Variants in GPC5 observed in about 807,000 individuals in gnomAD.
The protein encoded by GPC5 is glypican 5, also known as glypican-5.
GPC5 carries 47 observed loss-of-function variants against 53.9 expected under a neutral mutation model. That is an observed-to-expected ratio of 0.87 (90% CI 0.69 to 1.11). The LOEUF (loss-of-function observed/expected upper bound fraction) is 1.11, where lower values mean the gene tolerates loss of function less well. Ranked by LOEUF, GPC5 falls within the 50% of genes most tolerant of loss-of-function variation. The pLI, the probability that GPC5 is intolerant of heterozygous loss-of-function variation, is 0.00. For missense variants in GPC5, 748 were observed against 713.1 expected, an observed-to-expected ratio of 1.05 and a Z score of -0.56; for synonymous variants, 286 against 263.3, an observed-to-expected ratio of 1.09 and a Z score of -0.84.
intron 2 of GPC5, among the ~76,000 whole-genome samples, chr13:91,468,866 A>T (rs1882418329): frequency 6.9e-6 from 1 of 144,694 alleles, no homozygotes; most frequent in South Asian, 2.2e-4. Flanking sequence ...CGTAGCTAAG[A>T]TAATGGTCTT....
At chr13:91,748,280 A>G (rs1383215543) in intron 4 of GPC5, among the ~76,000 whole-genome samples, 1 of 152,200 alleles carries the variant, frequency 6.6e-6, no homozygotes, top group Admixed American at 6.5e-5. Flanking sequence ...AGCTGTCTTG[A>G]GCCTCTTTAG....
At chr13:92,512,103 C>T (rs1384750734) in intron 7 of GPC5, among the ~76,000 whole-genome samples, 1 of 152,174 alleles carries the variant, frequency 6.6e-6, no homozygotes, top group African/African-American at 2.4e-5. Context: ...GCAAAGCATG[C>T]ATCCATGAGA....
intron 1 of GPC5, among the ~76,000 whole-genome samples, chr13:91,422,564 A>T (rs529841436): frequency 9.2e-5 from 14 of 152,284 alleles, no homozygotes; most frequent in African/African-American, 3.4e-4. Context: ...GGAACCCAGA[A>T]GGCAGAGTTT....
At chr13:92,816,363 A>G (rs1426366186) in intron 7 of GPC5, among the ~76,000 whole-genome samples, 4 of 152,044 alleles carry the variant, frequency 2.6e-5, no homozygotes, top group Non-Finnish European at 4.4e-5. Context: ...TGCATTGTCT[A>G]TAAATTACAA....
At chr13:91,555,153 T>C (rs1423840657) in intron 2 of GPC5, among the ~76,000 whole-genome samples, 10 of 152,006 alleles carry the variant, frequency 6.6e-5, no homozygotes, top group African/African-American at 2.4e-4. Context: ...CCCCCAGTGG[T>C]AACATTTTAC....
rs73607699 is a variant in GPC5, at chr13:91,828,055, T to C, written c.1280+71635T>C. On this transcript the variant is annotated intron_variant, in intron 5 of 7. Coordinates refer to ENST00000377067, the MANE Select transcript of GPC5 (RefSeq NM_004466.6). The stretch of plus-strand genomic sequence containing the variant: ...ACAACATGGCTGAATAGCAAAAGCA[T>C]TATGCTGAGTAAAATAAGCCAACAT... Among the ~76,000 whole-genome samples the C allele has an allele frequency of 2.0e-3, 302 of 152,136 alleles. 2 individuals carry two copies. The highest frequency in any genetic ancestry group is 6.8e-3 in the African/African-American group (281 of 41,530).
chr13:92,322,230 AGG>A (rs1162404400), intron 7 of GPC5, among the ~76,000 whole-genome samples: 2 of 151,942 alleles, frequency 1.3e-5, no homozygotes, highest in Admixed American at 6.6e-5. Context: ...ATGGCTTTAA[AGG>A]GGAGATGAGC....
Position 92,287,697 on chromosome 13 carries a change from G to T in GPC5, c.1561+142708G>T, listed in dbSNP as rs188554670. ...AAGTTGCTTTTCTTGCTGCTTTCTA[G>T]GTTTTCTTTTTGTATTTGGCTTTGG... On this transcript the variant is annotated intron_variant, in intron 7 of 7. Transcript: ENST00000377067. Among the ~76,000 whole-genome samples, 4 of 152,108 alleles carry T rather than the reference G, an allele frequency of 2.6e-5. No homozygotes were observed. The East Asian group carries it at 7.7e-4, about 29-fold the overall frequency.
chr13:92,637,528 T>A (rs1450368647), intron 7 of GPC5, among the ~76,000 whole-genome samples: 1 of 152,146 alleles, frequency 6.6e-6, no homozygotes, highest in South Asian at 2.1e-4. Context: ...TCAGTTAGAA[T>A]ACTCAGAAGT....
intron 2 of GPC5, among the ~76,000 whole-genome samples, chr13:91,478,808 TATATATATATATATAC>T (rs1210334523): frequency 1.7e-5 from 2 of 117,172 alleles, no homozygotes; most frequent in Admixed American, 8.5e-5. Flanking sequence ...TATATATATA[TATATATATATATATAC>T]ACACACACAC....
chr13:92,141,398 A>G (rs993083184), intron 6 of GPC5, among the ~76,000 whole-genome samples: 1 of 152,184 alleles, frequency 6.6e-6, no homozygotes, highest in African/African-American at 2.4e-5. Flanking sequence ...ACTTGGAAAT[A>G]TAGTGAGAGG....
At chr13:91,937,163 G>A (rs2039878753) in intron 6 of GPC5, among the ~76,000 whole-genome samples, 1 of 151,988 alleles carries the variant, frequency 6.6e-6, no homozygotes, top group African/African-American at 2.4e-5. Context: ...TGACAAAGAA[G>A]GCAGTTTGGT....
intron 7 of GPC5, among the ~76,000 whole-genome samples, chr13:92,809,204 C>T (rs942784498): frequency 6.6e-6 from 1 of 152,102 alleles, no homozygotes; most frequent in East Asian, 1.9e-4. Context: ...GCTGTGGTCA[C>T]ACAGCATAAC....
intron 6 of GPC5, among the ~76,000 whole-genome samples, chr13:92,061,970 A>C (rs1402948271): frequency 6.6e-6 from 1 of 152,012 alleles, no homozygotes; most frequent in Non-Finnish European, 1.5e-5. Context: ...AATAGCAATA[A>C]TTTACCACTC....
intron 7 of GPC5, among the ~76,000 whole-genome samples, chr13:92,409,897 G>A (rs1875966336): frequency 6.6e-6 from 1 of 152,224 alleles, no homozygotes; most frequent in South Asian, 2.1e-4. Context: ...GTCAAGATAC[G>A]ACTTTAAGGA....
intron 7 of GPC5, among the ~76,000 whole-genome samples, chr13:92,428,080 A>T (rs568137853): frequency 3.5e-4 from 53 of 152,228 alleles, no homozygotes; most frequent in Non-Finnish European, 2.1e-4. Context: ...CAAAAAAGAG[A>T]AAGAGTCCTA....
chr13:91,891,467 T>C (rs2039385807), intron 5 of GPC5, among the ~76,000 whole-genome samples: 1 of 152,122 alleles, frequency 6.6e-6, no homozygotes, highest in African/African-American at 2.4e-5. Context: ...TATCCTTCTA[T>C]AAAGAGATAG....
intron 7 of GPC5, among the ~76,000 whole-genome samples, chr13:92,831,204 C>T (rs756651843): frequency 2.6e-5 from 4 of 151,944 alleles, no homozygotes; most frequent in Non-Finnish European, 5.9e-5. Flanking sequence ...TTCCTGTTAC[C>T]CTGTATTAGG....
chr13:91,906,465 G>T (rs983718769), intron 5 of GPC5, among the ~76,000 whole-genome samples: 4 of 151,976 alleles, frequency 2.6e-5, no homozygotes, highest in African/African-American at 9.7e-5. Context: ...TAACTGTTCA[G>T]TTGTGTTTAT....
Sources: gnomAD v4.1 joint callset for allele counts (sites outside exome capture counted in the v4.1 genomes callset) on GRCh38, gnomAD v4.1.1 for gene constraint, MANE v1.5 for transcripts, NCBI Gene and HGNC (gene_info 2026-07-23, HGNC 2026-07-21) for gene names.